The following FILIP1 variants were observed in gnomAD, a reference collection of about 807,000 sequenced individuals.
FILIP1 encodes the protein filamin A interacting protein 1.
Under a neutral mutation model 102.1 loss-of-function variants are expected in FILIP1, and 61 were observed. The ratio of observed to expected loss-of-function variants is 0.60; its 90% CI spans 0.49 to 0.74. The LOEUF is 0.74. FILIP1 is among the 30% of genes least tolerant of loss of function. The pLI is 0.00. For missense variants in FILIP1, 1,314 were observed against 1,441.2 expected (o/e 0.91, Z 1.43); for synonymous variants, 491 against 526.9 (o/e 0.93, Z 0.93).
chr6:75,405,081 G>A (rs903208297), intron 2 of FILIP1, among the ~76,000 whole-genome samples: 6 of 152,120 alleles, frequency 3.9e-5, no homozygotes, highest in Admixed American at 3.9e-4. Context: ...CAGAACATAG[G>A]AAATGTCCCC....
intron 4 of FILIP1, among the ~76,000 whole-genome samples, chr6:75,339,187 A>C (rs560745107): frequency 1.2e-3 from 176 of 152,292 alleles, no homozygotes; most frequent in African/African-American, 4.1e-3. Context: ...GGCTGTAACT[A>C]TTGATGGAAA....
intron 4 of FILIP1, among the ~76,000 whole-genome samples, chr6:75,325,423 A>AAAAAC (rs1214755558): frequency 2.6e-5 from 4 of 152,210 alleles, no homozygotes; most frequent in East Asian, 1.9e-4. Flanking sequence ...CTCTGTCTCA[A>AAAAAC]AAAACAAAAC....
intron 1 of FILIP1, among the ~76,000 whole-genome samples, chr6:75,451,150 G>C (rs1200541946): frequency 6.6e-6 from 1 of 151,516 alleles, no homozygotes; most frequent in Non-Finnish European, 1.5e-5. Context: ...TTGAGGAACT[G>C]CTTTGATATG....
At chr6:75,434,280 A>G (rs1001836163) in intron 1 of FILIP1, among the ~76,000 whole-genome samples, 3 of 152,202 alleles carry the variant, frequency 2.0e-5, no homozygotes, top group Non-Finnish European at 4.4e-5. Flanking sequence ...TACCTTAGGC[A>G]GTATGGCCAT....
intron 4 of FILIP1, among the ~76,000 whole-genome samples, chr6:75,349,713 T>C (rs1021399354): frequency 1.3e-5 from 2 of 152,168 alleles, no homozygotes; most frequent in Non-Finnish European, 2.9e-5. Context: ...CTGCAGGTGC[T>C]GTGGCCGCGT....
At chr6:75,406,094 C>A (rs1038959425) in intron 2 of FILIP1, among the ~76,000 whole-genome samples, 1 of 152,108 alleles carries the variant, frequency 6.6e-6, no homozygotes, top group Non-Finnish European at 1.5e-5. Flanking sequence ...TCTGACGGGG[C>A]CTTTCTGCTG....
chr6:75,424,002 T>C (rs1777556713), intron 1 of FILIP1, among the ~76,000 whole-genome samples: 1 of 152,170 alleles, frequency 6.6e-6, no homozygotes. Context: ...GGAACCACTA[T>C]TACCTTTGCA....
intron 2 of FILIP1, among the ~76,000 whole-genome samples, chr6:75,364,772 T>G (rs911140286): frequency 1.3e-5 from 2 of 152,192 alleles, no homozygotes; most frequent in African/African-American, 2.4e-5. Context: ...ACATAGCAAC[T>G]AAATTGAATA....
intron 2 of FILIP1, among the ~76,000 whole-genome samples, chr6:75,404,710 A>G (rs1410595519): frequency 6.6e-6 from 1 of 152,120 alleles, no homozygotes; most frequent in East Asian, 1.9e-4. Context: ...AGGGGGATCT[A>G]CCTCAACTGC....
chr6:75,473,332 T>C (rs1481047296), intron 1 of FILIP1, among the ~76,000 whole-genome samples: 1 of 152,184 alleles, frequency 6.6e-6, no homozygotes, highest in Non-Finnish European at 1.5e-5. Context: ...ATTACTTCAC[T>C]ATATAAGACA....
intron 2 of FILIP1, among the ~76,000 whole-genome samples, chr6:75,381,357 G>A (rs1362378830): frequency 6.6e-6 from 1 of 152,034 alleles, no homozygotes; most frequent in Non-Finnish European, 1.5e-5. Context: ...AGCCTCCTGA[G>A]TAGCTGGGAT....
intron 2 of FILIP1, among the ~76,000 whole-genome samples, chr6:75,401,401 G>A (rs1776653001): frequency 6.6e-6 from 1 of 152,038 alleles, no homozygotes; most frequent in Non-Finnish European, 1.5e-5. Flanking sequence ...TTTTCTAAGA[G>A]AATCTCCTTG....
intron 4 of FILIP1, among the ~76,000 whole-genome samples, chr6:75,327,159 G>A (rs559753350): frequency 1.3e-5 from 2 of 152,216 alleles, no homozygotes; most frequent in East Asian, 1.9e-4. Context: ...ACCTACACCC[G>A]CTTCTTCCAG....
intron 1 of FILIP1, among the ~76,000 whole-genome samples, chr6:75,434,635 A>G (rs1777950363): frequency 6.6e-6 from 1 of 152,218 alleles, no homozygotes; most frequent in Non-Finnish European, 1.5e-5. Flanking sequence ...ATGTGCAAAC[A>G]GGGACAATCT....
chr6:75,441,095 AG>A (rs1778200290), intron 1 of FILIP1, among the ~76,000 whole-genome samples: 1 of 151,538 alleles, frequency 6.6e-6, no homozygotes. Flanking sequence ...AAGTGAACAA[AG>A]GTCTCTGGTT....
chr6:75,357,097 G>A (rs916967957), intron 3 of FILIP1: 4 of 152,184 alleles, frequency 2.6e-5, no homozygotes, highest in Admixed American at 6.5e-5. Flanking sequence ...TGACTTATTT[G>A]AAAGTTGTGT....
At chr6:75,397,271 TAAGTC>T (rs1165309853) in intron 2 of FILIP1, among the ~76,000 whole-genome samples, 1 of 151,788 alleles carries the variant, frequency 6.6e-6, no homozygotes, top group African/African-American at 2.4e-5. Flanking sequence ...AAAAAAATAA[TAAGTC>T]ATGTTAGATA....
At chr6:75,362,627 T>C in intron 3 of FILIP1, 117 bp downstream of exon 3, 1 of 808,154 alleles carries the variant, frequency 1.2e-6, no homozygotes, top group Non-Finnish European at 2.0e-6. Flanking sequence ...AATTGTATAT[T>C]AGTGTATCAT....
chr6:75,431,831 A>G (rs1045514546), intron 1 of FILIP1, among the ~76,000 whole-genome samples: 2 of 152,240 alleles, frequency 1.3e-5, no homozygotes, highest in South Asian at 4.1e-4. Context: ...GTGGGAGGAT[A>G]AGGAGAAATA....
Sources: gnomAD v4.1 joint callset for allele counts (sites outside exome capture counted in the v4.1 genomes callset) on GRCh38, gnomAD v4.1.1 for gene constraint, MANE v1.5 for transcripts, NCBI Gene and HGNC (gene_info 2026-07-23, HGNC 2026-07-21) for gene names.